The following SRRM4 variants were observed in gnomAD, a reference collection of about 807,000 sequenced individuals.
The protein encoded by SRRM4 is serine/arginine repetitive matrix 4, also known as serine/arginine repetitive matrix protein 4.
Under a neutral mutation model 68.9 loss-of-function variants are expected in SRRM4, and 33 were observed. The ratio of observed to expected loss-of-function variants is 0.48; its 90% CI spans 0.36 to 0.64. The LOEUF is 0.64. Ranked by LOEUF, SRRM4 falls within the 30% of genes least tolerant of loss-of-function variation. The pLI is 0.00. For missense variants in SRRM4, 817 were observed against 827.1 expected, an observed-to-expected ratio of 0.99 and a Z score of 0.15; for synonymous variants, 318 against 318.8, an observed-to-expected ratio of 1.00 and a Z score of 0.03.
chr12:119,129,551 G>A (rs1954280861), intron 7 of SRRM4, among the ~76,000 whole-genome samples: 1 of 152,124 alleles, frequency 6.6e-6, no homozygotes, highest in Non-Finnish European at 1.5e-5. Context: ...ACAAACACAT[G>A]GAAACACAGA....
At chr12:119,144,207 C>A (rs931197873) in intron 8 of SRRM4, among the ~76,000 whole-genome samples, 2 of 152,090 alleles carry the variant, frequency 1.3e-5, no homozygotes, top group African/African-American at 2.4e-5. Context: ...GCAAGCGCAT[C>A]CTCCCTCCCT....
intron 1 of SRRM4, among the ~76,000 whole-genome samples, chr12:118,997,972 C>A (rs1195185463): frequency 6.6e-6 from 1 of 152,156 alleles, no homozygotes; most frequent in African/African-American, 2.4e-5. Context: ...TACTGACACA[C>A]TAACTGTGTG....
At chr12:119,147,833 G>A (rs1954413742) in intron 9 of SRRM4, among the ~76,000 whole-genome samples, 1 of 152,280 alleles carries the variant, frequency 6.6e-6, no homozygotes, top group South Asian at 2.1e-4. Flanking sequence ...TCTCACTCAA[G>A]AAATCACAAC....
At chr12:119,061,842 AT>A (rs1953814182) in intron 1 of SRRM4, among the ~76,000 whole-genome samples, 1 of 152,074 alleles carries the variant, frequency 6.6e-6, no homozygotes, top group East Asian at 1.9e-4. Flanking sequence ...CTAGATTCTT[AT>A]TGTATTTCCC....
rs551023873 is a variant in SRRM4 at position 119,056,246 on chromosome 12, G to A, written c.132-45990G>A. On this transcript the variant is annotated intron_variant, in intron 1 of 12. Transcript: ENST00000267260. ...GGCATCTCCAGGACCACAGTGCCTCGTGCAGCCACAATGAGGCTTAAGTAT... is the reference window on the plus strand; with the variant it reads ...GGCATCTCCAGGACCACAGTGCCTCATGCAGCCACAATGAGGCTTAAGTAT... 1.3e-3 allele frequency among the ~76,000 whole-genome samples: 202 copies of A among 152,278 alleles called. 1 individual carries two copies. The highest frequency in any genetic ancestry group is 4.4e-3 in the African/African-American group (184 of 41,570).
At chr12:119,076,916 G>A (rs1953920055) in intron 1 of SRRM4, among the ~76,000 whole-genome samples, 1 of 149,878 alleles carries the variant, frequency 6.7e-6, no homozygotes, top group Admixed American at 6.7e-5. Flanking sequence ...TTTTGGTAAA[G>A]CACTGGGAAA....
intron 10 of SRRM4, 29 bp downstream of exon 10, chr12:119,151,249 AG>A: frequency 6.3e-7 from 1 of 1,588,956 alleles, no homozygotes. Flanking sequence ...TTTGCTCTGC[AG>A]CACCTTTCTC....
chr12:119,021,579 T>G (rs181400661), intron 1 of SRRM4, among the ~76,000 whole-genome samples: 1 of 152,234 alleles, frequency 6.6e-6, no homozygotes, highest in East Asian at 1.9e-4. Context: ...ATGTGCATTT[T>G]GAGGAGGTGC....
In SRRM4 at chr12:119,151,105, T is replaced by G. The variant is rs200763312; in HGVS notation, c.1165T>G (p.Cys389Gly). The G allele has an allele frequency of 2.0e-4, 323 of 1,613,842 alleles. 1 individual carries two copies. In the African/African-American group the frequency reaches 2.4e-3, roughly 12 times the overall value. The change falls in exon 10 of 13, where the codon TGT becomes GGT. Residue 389 changes from cysteine (C) to glycine (G), a missense_variant. Coordinates refer to ENST00000267260, the MANE Select transcript of SRRM4 (RefSeq NM_194286.4). ...AGCCCGGAGCTCACCCATGAAAGGG[T>G]GTTCCCGCAGCTCCTCCTATGCCAG... Reference protein sequence around the residue: ...STARSSPMKGCSRSSSYASTR... With the variant: ...STARSSPMKGGSRSSSYASTR...
At chr12:119,035,213 T>A (rs1254477504) in intron 1 of SRRM4, among the ~76,000 whole-genome samples, 4 of 152,166 alleles carry the variant, frequency 2.6e-5, no homozygotes, top group African/African-American at 9.7e-5. Flanking sequence ...GGGTCACAAT[T>A]TTTTCCCCCT....
intron 1 of SRRM4, among the ~76,000 whole-genome samples, chr12:119,004,179 AGG>A (rs1300648120): frequency 6.6e-6 from 1 of 152,026 alleles, no homozygotes; most frequent in Non-Finnish European, 1.5e-5. Context: ...TGTAAGCTGC[AGG>A]TCCCACACAC....
chr12:119,060,921 T>C (rs1029570179), intron 1 of SRRM4, among the ~76,000 whole-genome samples: 8 of 152,144 alleles, frequency 5.3e-5, no homozygotes, highest in African/African-American at 1.7e-4. Flanking sequence ...CACTGGCTAG[T>C]TTGCTTTAAG....
chr12:119,106,555 T>C (rs2136044067), intron 2 of SRRM4, among the ~76,000 whole-genome samples: 1 of 152,312 alleles, frequency 6.6e-6, no homozygotes, highest in African/African-American at 2.4e-5. Context: ...CTAGATATTT[T>C]ATTCTCTTTG....
At chr12:119,149,822 C>T (rs527396978) in intron 9 of SRRM4, among the ~76,000 whole-genome samples, 4 of 152,244 alleles carry the variant, frequency 2.6e-5, no homozygotes, top group Admixed American at 6.5e-5. Flanking sequence ...GCCAGGCCAT[C>T]GTGAGCCTTG....
intron 2 of SRRM4, among the ~76,000 whole-genome samples, chr12:119,109,190 A>G (rs1954126895): frequency 6.6e-6 from 1 of 151,446 alleles, no homozygotes; most frequent in African/African-American, 2.4e-5. Flanking sequence ...CCGAGAGATC[A>G]GCTGTTAGTC....
chr12:119,065,780 G>A (rs751168027), intron 1 of SRRM4, among the ~76,000 whole-genome samples: 9 of 151,964 alleles, frequency 5.9e-5, no homozygotes, highest in Non-Finnish European at 8.8e-5. Context: ...ATAATCCATG[G>A]GTCAGTGGTT....
intron 1 of SRRM4, among the ~76,000 whole-genome samples, chr12:119,038,725 T>C (rs1393200007): frequency 2.0e-5 from 3 of 152,188 alleles, no homozygotes; most frequent in African/African-American, 7.2e-5. Flanking sequence ...CTCTTCATTT[T>C]CATGTCTTCA....
At chr12:119,146,742 C>G (rs1954404917) in intron 9 of SRRM4, among the ~76,000 whole-genome samples, 1 of 152,124 alleles carries the variant, frequency 6.6e-6, no homozygotes, top group Non-Finnish European at 1.5e-5. Context: ...CGAGACCATC[C>G]TGGCTAACAC....
At chr12:119,125,313 A>G in intron 6 of SRRM4, 68 bp from the exon 7 acceptor site, 13 of 1,361,178 alleles carry the variant, frequency 9.6e-6, no homozygotes, top group African/African-American at 1.4e-5. Context: ...ACAAGATCAA[A>G]TCTCTCACTC....
Sources: allele counts gnomAD v4.1 joint callset (sites outside exome capture counted in the v4.1 genomes callset), GRCh38; gene constraint gnomAD v4.1.1; transcripts MANE v1.5; gene names NCBI Gene and HGNC (gene_info 2026-07-23, HGNC 2026-07-21).